ASTN2: variants seen among roughly 807,000 people sequenced by gnomAD.
ASTN2 encodes the protein astrotactin 2, also known as astrotactin-2.
ASTN2 carries 54 observed loss-of-function variants against 139.8 expected under a neutral mutation model. That is an observed-to-expected ratio of 0.39 (90% CI 0.31 to 0.48). The LOEUF is 0.48. Ranked by LOEUF, ASTN2 falls within the 20% of genes least tolerant of loss-of-function variation. The pLI, the probability that ASTN2 is intolerant of heterozygous loss-of-function variation, is 0.95. For synonymous variants in ASTN2, 756 were observed against 719.5 expected, an observed-to-expected ratio of 1.05 and a Z score of -0.81; for missense variants, 1,565 against 1,725.1, an observed-to-expected ratio of 0.91 and a Z score of 1.64.
chr9:117,208,918 A>G (rs1432840891), intron 3 of ASTN2, among the ~76,000 whole-genome samples: 1 of 152,214 alleles, frequency 6.6e-6, no homozygotes, highest in Non-Finnish European at 1.5e-5. Context: ...TGTTACAGGC[A>G]TATGGAAACT....
At chr9:116,468,580 C>T (rs1227421537) in intron 20 of ASTN2, among the ~76,000 whole-genome samples, 1 of 152,210 alleles carries the variant, frequency 6.6e-6, no homozygotes, top group African/African-American at 2.4e-5. Context: ...CCCTCACTGG[C>T]TCTCATCCAG....
intron 16 of ASTN2, among the ~76,000 whole-genome samples, chr9:116,711,861 ACTACTACAACTCC>A (rs1828172468): frequency 6.6e-6 from 1 of 152,136 alleles, no homozygotes; most frequent in Non-Finnish European, 1.5e-5. Flanking sequence ...TCCTTGAAAC[ACTACTACAACTCC>A]CTAACTGATC....
At chr9:117,412,829 G>C (rs1831205751) in intron 1 of ASTN2, among the ~76,000 whole-genome samples, 1 of 152,210 alleles carries the variant, frequency 6.6e-6, no homozygotes. Context: ...GAGGTGGCAA[G>C]AGCCAGCTGT....
chr9:116,522,589 CAAAATCTCA>C (rs1393238992), intron 19 of ASTN2, among the ~76,000 whole-genome samples: 1 of 152,042 alleles, frequency 6.6e-6, no homozygotes, highest in Non-Finnish European at 1.5e-5. Context: ...ATGGGTGCAC[CAAAATCTCA>C]GAAATCATCA....
intron 3 of ASTN2, among the ~76,000 whole-genome samples, chr9:117,175,162 A>G (rs1830886285): frequency 6.6e-6 from 1 of 152,126 alleles, no homozygotes; most frequent in Non-Finnish European, 1.5e-5. Flanking sequence ...GAAAGGAACA[A>G]TTAATAAATG....
At chr9:116,932,340 C>T (rs1185251894) in intron 10 of ASTN2, among the ~76,000 whole-genome samples, 2 of 152,130 alleles carry the variant, frequency 1.3e-5, no homozygotes, top group Non-Finnish European at 2.9e-5. Flanking sequence ...GTAGTGGACC[C>T]TAATGGCTGC....
intron 13 of ASTN2, among the ~76,000 whole-genome samples, chr9:116,757,190 G>A (rs1829555649): frequency 6.6e-6 from 1 of 152,180 alleles, no homozygotes; most frequent in African/African-American, 2.4e-5. Flanking sequence ...GTTGGAGAAT[G>A]TGGCAACACA....
chr9:117,279,496 G>C (rs1464442572), intron 2 of ASTN2, among the ~76,000 whole-genome samples: 1 of 152,184 alleles, frequency 6.6e-6, no homozygotes, highest in Admixed American at 6.5e-5. Context: ...TTACAGTTGA[G>C]AAGACAGAGG....
At chr9:117,236,791 A>G (rs924797762) in intron 2 of ASTN2, among the ~76,000 whole-genome samples, 1 of 152,234 alleles carries the variant, frequency 6.6e-6, no homozygotes, top group Non-Finnish European at 1.5e-5. Flanking sequence ...AATGAACACA[A>G]TAATTCTATG....
intron 19 of ASTN2, among the ~76,000 whole-genome samples, chr9:116,519,684 A>G (rs1281454452): frequency 6.6e-6 from 1 of 152,072 alleles, no homozygotes; most frequent in African/African-American, 2.4e-5. Context: ...TGAAATTGAA[A>G]CAAGAAAATA....
intron 11 of ASTN2, among the ~76,000 whole-genome samples, chr9:116,832,939 G>GA (rs1174180023): frequency 6.5e-5 from 7 of 107,420 alleles, no homozygotes; most frequent in Admixed American, 2.9e-4. Context: ...TTTTTGTTTT[G>GA]TTTTATTTAT....
At chr9:116,891,552 C>T (rs1218827138) in intron 10 of ASTN2, among the ~76,000 whole-genome samples, 1 of 152,204 alleles carries the variant, frequency 6.6e-6, no homozygotes, top group Non-Finnish European at 1.5e-5. Context: ...TAAAGAAGCA[C>T]ATGGGTGTGC....
At chr9:116,915,384 G>A (rs912264550) in intron 10 of ASTN2, among the ~76,000 whole-genome samples, 2 of 152,134 alleles carry the variant, frequency 1.3e-5, no homozygotes, top group Admixed American at 6.5e-5. Flanking sequence ...TTTGGCCTCT[G>A]CCTCAAGTTC....
chr9:117,009,516 T>G (rs1837451776), intron 6 of ASTN2, among the ~76,000 whole-genome samples: 1 of 152,004 alleles, frequency 6.6e-6, no homozygotes, highest in Non-Finnish European at 1.5e-5. Flanking sequence ...AGATAGAATT[T>G]CACAGGGGGA....
At chr9:116,428,458 A>G (rs1847380356) in intron 22 of ASTN2, among the ~76,000 whole-genome samples, 1 of 151,996 alleles carries the variant, frequency 6.6e-6, no homozygotes. Context: ...CGTAAGGCGG[A>G]GGTTACAGTG....
Position 116,443,483 on chromosome 9 carries a change from C to T in ASTN2, c.3498-930G>A, listed in dbSNP as rs147541281. 7.2e-3 allele frequency among the ~76,000 whole-genome samples: 1,100 copies of T among 152,224 alleles called. 11 individuals are homozygous for T. The highest frequency in any genetic ancestry group is 0.024 in the African/African-American group (1,005 of 41,530). ...CTATATTGATGGAAGCAGACACAGC[C>T]TGTGTGGCCTTAGAAGGAAAGAACA... On this transcript the variant is annotated intron_variant, in intron 20 of 22. Transcript: ENST00000313400.
At chr9:116,508,748 C>T (rs1850225535) in intron 19 of ASTN2, among the ~76,000 whole-genome samples, 1 of 152,134 alleles carries the variant, frequency 6.6e-6, no homozygotes, top group Non-Finnish European at 1.5e-5. Flanking sequence ...AGATCTGGAA[C>T]CAGCTCCACT....
At chr9:117,268,571 A>G (rs986801500) in intron 2 of ASTN2, among the ~76,000 whole-genome samples, 3 of 152,178 alleles carry the variant, frequency 2.0e-5, no homozygotes, top group Non-Finnish European at 4.4e-5. Context: ...TACATGACTC[A>G]GGACCCTGAC....
intron 10 of ASTN2, among the ~76,000 whole-genome samples, chr9:116,953,899 T>G (rs1479585300): frequency 6.6e-6 from 1 of 152,158 alleles, no homozygotes; most frequent in East Asian, 1.9e-4. Flanking sequence ...TCAAGTCCAG[T>G]GGAGTAGAAG....
Sources: gnomAD v4.1 joint callset for allele counts (sites outside exome capture counted in the v4.1 genomes callset) on GRCh38, gnomAD v4.1.1 for gene constraint, MANE v1.5 for transcripts, NCBI Gene and HGNC (gene_info 2026-07-23, HGNC 2026-07-21) for gene names.